NR5A2: variants seen among roughly 807,000 people sequenced by gnomAD.
NR5A2 encodes CYP7A promoter-binding factor.
Under a neutral mutation model 62.7 loss-of-function variants are expected in NR5A2, and 26 were observed. The observed-to-expected ratio is 0.41, with a 90% CI of 0.30 to 0.58. NR5A2 has a LOEUF of 0.58. NR5A2 is among the 20% of genes least tolerant of loss of function. The pLI is 0.22. For missense variants in NR5A2, 541 were observed against 669.1 expected (o/e 0.81, Z 2.11); for synonymous variants, 246 against 241.7 (o/e 1.02, Z -0.16).
rs1661981462 is a variant in NR5A2, at chr1:200,039,854, C to G, written c.202+59C>G. The G allele has an allele frequency of 4.6e-6, 7 of 1,534,256 alleles. No homozygotes were observed. The South Asian group carries it at 8.4e-5, about 18-fold the overall frequency. On this transcript the variant is annotated intron_variant, in intron 2 of 7. Transcript: ENST00000367362. The surrounding 1 kb of genome is among the most constrained non-coding windows in gnomAD (Gnocchi z 5.1). Reference sequence around the variant, plus strand: ...CTGCTTCCCCACCCCCGGGCTCGCCCTGCAGGCTTCAGCCTCCCGCCCCGC... The same window carrying G: ...CTGCTTCCCCACCCCCGGGCTCGCCGTGCAGGCTTCAGCCTCCCGCCCCGC...
chr1:200,150,835 T>C (rs555989849), intron 7 of NR5A2, among the ~76,000 whole-genome samples: 2 of 152,336 alleles, frequency 1.3e-5, no homozygotes, highest in Admixed American at 1.3e-4. Context: ...CATAGGACTC[T>C]GGGTACTCTT....
At chr1:200,040,307 C>A (rs1558097776) in intron 2 of NR5A2, among the ~76,000 whole-genome samples, 1 of 152,274 alleles carries the variant, frequency 6.6e-6, no homozygotes, top group African/African-American at 2.4e-5. Context: ...AGGCGGACAC[C>A]CGCAGCCAGC....
chr1:200,043,119 C>T lies in NR5A2; in HGVS notation c.203-655C>T, dbSNP rs534641537. 26 of 535,700 alleles carry T rather than the reference C, an allele frequency of 4.9e-5. No individual in the cohort carries two copies. The South Asian group carries it at 1.9e-3, about 39-fold the overall frequency. The allele number at this position is 535,700 out of a possible 1,614,324, so 33.2% of individuals were successfully genotyped here. On this transcript the variant is annotated intron_variant, in intron 2 of 7. Coordinates refer to ENST00000367362, the MANE Select transcript of NR5A2 (RefSeq NM_205860.3). ...TTTTCTTTTTCCTTCTTTTTATTTT[C>T]ACAGATTTTCAAACGTAAGGAGATG...
At chr1:200,107,176 TACAAACAA>T (rs10569824) in intron 5 of NR5A2, among the ~76,000 whole-genome samples, 1 of 151,844 alleles carries the variant, frequency 6.6e-6, no homozygotes, top group Non-Finnish European at 1.5e-5. Context: ...TCATTAATTC[TACAAACAA>T]ACAATGAAAG....
intron 5 of NR5A2, among the ~76,000 whole-genome samples, chr1:200,063,471 A>G (rs1459420544): frequency 2.0e-5 from 3 of 152,164 alleles, no homozygotes; most frequent in Non-Finnish European, 2.9e-5. Flanking sequence ...AAGCATTACT[A>G]TGTTGCACTC....
intron 1 of NR5A2, among the ~76,000 whole-genome samples, chr1:200,028,425 C>CA (rs67706127): frequency 0.11 from 9,168 of 83,296 alleles, 644 homozygotes; most frequent in African/African-American, 0.19. Context: ...CCCCCACCTC[C>CA]AAAAAAAAAA....
chr1:200,062,280 G>A (rs1663266351), intron 5 of NR5A2, among the ~76,000 whole-genome samples: 2 of 105,550 alleles, frequency 1.9e-5, no homozygotes, highest in Admixed American at 9.1e-5. Context: ...TGTGTGTATC[G>A]CAGTGTTTTG....
At chr1:200,073,260 ATTCCCCTT>A (rs1342970793) in intron 5 of NR5A2, among the ~76,000 whole-genome samples, 83 of 90,132 alleles carry the variant, frequency 9.2e-4, no homozygotes, top group African/African-American at 3.7e-3. Context: ...ATATATATAT[ATTCCCCTT>A]TATATATATA....
chr1:200,066,701 C>A (rs1038135556), intron 5 of NR5A2, among the ~76,000 whole-genome samples: 2 of 149,128 alleles, frequency 1.3e-5, no homozygotes, highest in Non-Finnish European at 2.9e-5. Flanking sequence ...GATCCTCCTG[C>A]CCCAGTCTCC....
chr1:200,092,703 G>GAA (rs3838441), intron 5 of NR5A2, among the ~76,000 whole-genome samples: 42,223 of 146,292 alleles, frequency 0.29, 6,499 homozygotes, highest in East Asian at 0.53. Context: ...CAGTTAGTCA[G>GAA]AAAAAAAAAA....
intron 5 of NR5A2, among the ~76,000 whole-genome samples, chr1:200,052,816 A>G (rs994021064): frequency 5.9e-5 from 9 of 151,730 alleles, no homozygotes; most frequent in Non-Finnish European, 1.0e-4. Flanking sequence ...AATTTTTTGT[A>G]TTTTTAGTAG....
At chr1:200,123,206 A>G (rs1338315335) in intron 7 of NR5A2, among the ~76,000 whole-genome samples, 1 of 152,206 alleles carries the variant, frequency 6.6e-6, no homozygotes, top group Non-Finnish European at 1.5e-5. Flanking sequence ...TCTGTGGACT[A>G]GTCAGAGGCC....
intron 7 of NR5A2, 106 bp downstream of exon 7, chr1:200,121,061 CCCTT>C (rs1263654473): frequency 8.8e-7 from 1 of 1,131,892 alleles, no homozygotes; most frequent in African/African-American, 1.6e-5. Context: ...CAATATAATG[CCCTT>C]CCTGTCAAAT....
chr1:200,035,254 A>C (rs1473139968), intron 1 of NR5A2, among the ~76,000 whole-genome samples: 1 of 152,150 alleles, frequency 6.6e-6, no homozygotes, highest in African/African-American at 2.4e-5. Flanking sequence ...AAAGCACCAA[A>C]AAGTGGGAAT....
At chr1:200,150,863 GCAGTGCA>G (rs1403224021) in intron 7 of NR5A2, among the ~76,000 whole-genome samples, 1 of 152,202 alleles carries the variant, frequency 6.6e-6, no homozygotes, top group Non-Finnish European at 1.5e-5. Flanking sequence ...AGAAACCGCT[GCAGTGCA>G]AGTCCTTTCA....
intron 5 of NR5A2, among the ~76,000 whole-genome samples, chr1:200,085,612 G>T (rs562542209): frequency 6.6e-6 from 1 of 150,618 alleles, no homozygotes; most frequent in East Asian, 2.0e-4. Context: ...TGGATACAGA[G>T]AGATGGATTA....
At chr1:200,045,738 A>G (rs1190262902) in intron 4 of NR5A2, among the ~76,000 whole-genome samples, 154 bp downstream of exon 4, 1 of 152,180 alleles carries the variant, frequency 6.6e-6, no homozygotes, top group Non-Finnish European at 1.5e-5. Flanking sequence ...TCTGCAGAAT[A>G]GTCTGAGTCT....
At chr1:200,152,495 C>T (rs554775748) in intron 7 of NR5A2, among the ~76,000 whole-genome samples, 1 of 152,130 alleles carries the variant, frequency 6.6e-6, no homozygotes. Flanking sequence ...TAAGAAACTA[C>T]AAAAATGTGT....
intron 5 of NR5A2, among the ~76,000 whole-genome samples, chr1:200,093,599 G>C (rs562507724): frequency 2.6e-5 from 4 of 152,318 alleles, no homozygotes; most frequent in African/African-American, 9.6e-5. Flanking sequence ...GCCAAGACTT[G>C]ATATTTTCAT....
Sources: gnomAD v4.1 joint callset for allele counts (sites outside exome capture counted in the v4.1 genomes callset) on GRCh38, gnomAD v4.1.1 for gene constraint, Gnocchi (gnomAD v3.1) non-coding constraint, MANE v1.5 for transcripts, NCBI Gene and HGNC (gene_info 2026-07-23, HGNC 2026-07-21) for gene names.